Variants in NLGN4X observed in about 807,000 individuals in gnomAD.
NLGN4X encodes neuroligin 4 X-linked.
In NLGN4X, 3 loss-of-function variants were observed where a neutral mutation model predicts 40.3. That is an observed-to-expected ratio of 0.07 (90% confidence interval 0.03 to 0.19). The LOEUF is 0.19. NLGN4X is among the 10% of genes least tolerant of loss of function. The probability of loss-of-function intolerance (pLI) is 1.00; values close to 1 mark genes in which losing one functional copy is unlikely to be tolerated. For missense variants in NLGN4X, 382 were observed against 708.3 expected, an observed-to-expected ratio of 0.54 and a Z score of 5.23; for synonymous variants, 270 against 306.8, an observed-to-expected ratio of 0.88 and a Z score of 1.25.
At chrX:5,946,990 T>G (rs773609207) in intron 3 of NLGN4X, among the ~76,000 whole-genome samples, 1 of 111,903 alleles carries the variant, frequency 8.9e-6, no homozygotes, top group Non-Finnish European at 1.9e-5. Flanking sequence ...TCTATTCATG[T>G]TCCTGCAAAA....
intron 2 of NLGN4X, chrX:6,032,597 G>A (rs2036896115): frequency 5.9e-6 from 3 of 512,316 alleles, no homozygotes; most frequent in Non-Finnish European, 8.8e-6. Context: ...TTTAAATAAG[G>A]GGAGAAAAAA....
intron 5 of NLGN4X, among the ~76,000 whole-genome samples, chrX:5,899,909 C>T (rs2031747143): frequency 8.9e-6 from 1 of 111,874 alleles, no homozygotes; most frequent in African/African-American, 3.2e-5. Flanking sequence ...AAAGAAAAAG[C>T]ATATGTTTTT....
At chrX:5,925,164 C>G (rs2033224274) in intron 3 of NLGN4X, among the ~76,000 whole-genome samples, 1 of 111,735 alleles carries the variant, frequency 8.9e-6, no homozygotes, top group Non-Finnish European at 1.9e-5. Flanking sequence ...CACTCATCAA[C>G]CACACTAAAC....
chrX:5,933,609 A>T (rs2033633318), intron 3 of NLGN4X, among the ~76,000 whole-genome samples: 1 of 112,127 alleles, frequency 8.9e-6, no homozygotes, highest in Non-Finnish European at 1.9e-5. Flanking sequence ...GATAAAAAAT[A>T]GATAACAGAG....
rs375581036 is a variant in NLGN4X, at chrX:6,070,176, C to CT, written c.473-40745dup. ...TCAATTCAAGCTACATTCTTTAAGG[C>CT]TTTTTTTTTTAATGTAGCTGACACC... On this transcript the variant is annotated intron_variant, in intron 2 of 5. Coordinates refer to ENST00000381095, the MANE Select transcript of NLGN4X (RefSeq NM_181332.3). Among the ~76,000 whole-genome samples the CT allele has an allele frequency of 9.0e-3, 941 of 104,398 alleles. 6 individuals are homozygous for CT. Among genetic ancestry groups the CT allele is most frequent in the African/African-American group, 0.028 (823 of 28,927 alleles). 90.7% of individuals were successfully genotyped at this position (104,398 alleles called of 115,157 possible). A position where few individuals can be genotyped will look rare whatever the true frequency, so the allele number is the denominator to read the frequency against.
intron 2 of NLGN4X, among the ~76,000 whole-genome samples, chrX:6,142,670 A>T (rs2039973062): frequency 8.9e-6 from 1 of 112,433 alleles, no homozygotes. Context: ...CTAGACAAGA[A>T]GAGAAAGAAA....
chrX:5,969,837 T>C (rs1299081696), intron 3 of NLGN4X, among the ~76,000 whole-genome samples: 3 of 110,549 alleles, frequency 2.7e-5, no homozygotes, highest in Non-Finnish European at 5.7e-5. Flanking sequence ...TGGAATACTA[T>C]GCAGCCATAA....
intron 3 of NLGN4X, among the ~76,000 whole-genome samples, chrX:5,989,246 A>T (rs981653830): frequency 9.0e-6 from 1 of 111,500 alleles, no homozygotes. Context: ...CTCCTTAAGG[A>T]TTAAGACTTG....
chrX:6,022,045 G>A (rs1028070450), intron 3 of NLGN4X, among the ~76,000 whole-genome samples: 2 of 111,705 alleles, frequency 1.8e-5, no homozygotes, highest in African/African-American at 3.3e-5. Flanking sequence ...CTTCTTTTAC[G>A]TCTCTACTTT....
intron 3 of NLGN4X, among the ~76,000 whole-genome samples, chrX:5,950,304 A>C (rs2034265749): frequency 8.9e-6 from 1 of 112,410 alleles, no homozygotes; most frequent in South Asian, 3.7e-4. Context: ...ATATGTAGTA[A>C]AAAATATGCA....
intron 2 of NLGN4X, among the ~76,000 whole-genome samples, chrX:6,080,989 A>C (rs1280631182): frequency 1.9e-5 from 2 of 107,743 alleles, no homozygotes; most frequent in African/African-American, 6.7e-5. Context: ...ACACTAATTA[A>C]AAAAAAAAAA....
In NLGN4X at chrX:6,217,445, C is replaced by G. The variant is rs1602440313; in HGVS notation, c.-306+11096G>C. ...ACGGGAGGCTTATCAATTGAGATATCAAATAAATCCTGGAAGGTTATTTTA... is the reference window on the plus strand; with the variant it reads ...ACGGGAGGCTTATCAATTGAGATATGAAATAAATCCTGGAAGGTTATTTTA... On this transcript the variant is annotated intron_variant, in intron 1 of 5. Transcript: ENST00000381095. Among the ~76,000 whole-genome samples, 5 of 111,069 alleles carry G rather than the reference C, an allele frequency of 4.5e-5. No individual in the cohort carries two copies. The South Asian group carries it at 1.5e-3, about 34-fold the overall frequency.
intron 1 of NLGN4X, among the ~76,000 whole-genome samples, chrX:6,175,020 C>A (rs2040693467): frequency 8.9e-6 from 1 of 111,798 alleles, no homozygotes; most frequent in Non-Finnish European, 1.9e-5. Flanking sequence ...CACAAATCTA[C>A]AACTTAATAA....
chrX:6,174,474 A>G (rs1344539371), intron 1 of NLGN4X, among the ~76,000 whole-genome samples: 1 of 112,043 alleles, frequency 8.9e-6, no homozygotes, highest in Non-Finnish European at 1.9e-5. Flanking sequence ...AAAAAGACGC[A>G]TGCATTTGTA....
chrX:5,890,460 A>T lies in NLGN4X; in HGVS notation c.*2357T>A. 7.6e-6 allele frequency: 2 copies of T among 263,962 alleles called. No individual in the cohort carries two copies. Among genetic ancestry groups the T allele is most frequent in the South Asian group, 7.9e-5 (2 of 25,246 alleles). The allele number at this position is 263,962 out of a possible 1,213,427, so 21.8% of individuals were successfully genotyped here. On this transcript the variant is annotated 3_prime_UTR_variant, in exon 6 of 6. Coordinates refer to ENST00000381095, the MANE Select transcript of NLGN4X (RefSeq NM_181332.3). ...TCCTTATTCAAATGTCACAAGCCTG[A>T]CGCGTTACTGTACATATTGCTAGCA... is the stretch of plus-strand genomic sequence containing the variant.
chrX:6,209,839 G>C (rs1924405164), intron 1 of NLGN4X, among the ~76,000 whole-genome samples: 1 of 111,369 alleles, frequency 9.0e-6, no homozygotes, highest in Admixed American at 9.6e-5. Flanking sequence ...GATTAGTTTG[G>C]TTTTCTTTAG....
intron 3 of NLGN4X, among the ~76,000 whole-genome samples, chrX:5,994,059 T>A (rs2035755469): frequency 8.9e-6 from 1 of 111,844 alleles, no homozygotes; most frequent in Admixed American, 9.5e-5. Flanking sequence ...CTCCTCTTAG[T>A]GAGGAAAGAC....
intron 2 of NLGN4X, among the ~76,000 whole-genome samples, chrX:6,034,712 G>GT (rs202210549): frequency 2.3e-4 from 24 of 103,491 alleles, no homozygotes; most frequent in African/African-American, 6.4e-4. Context: ...CTCATCATAG[G>GT]TTTTTTTTTT....
chrX:5,896,682 A>G (rs1420101750), intron 5 of NLGN4X, among the ~76,000 whole-genome samples: 2 of 112,110 alleles, frequency 1.8e-5, no homozygotes, highest in African/African-American at 6.5e-5. Context: ...CTGGAGATGG[A>G]TATAGTACTA....
Sources: allele counts gnomAD v4.1 joint callset (sites outside exome capture counted in the v4.1 genomes callset), GRCh38; gene constraint gnomAD v4.1.1; transcripts MANE v1.5; gene names NCBI Gene and HGNC (gene_info 2026-07-23, HGNC 2026-07-21).